Variants in GLI3 observed in about 807,000 individuals in gnomAD.
GLI3 encodes GLI family zinc finger 3, also known as transcription activator GLI3.
GLI3 carries 20 observed loss-of-function variants against 100.8 expected under a neutral mutation model. The ratio of observed to expected loss-of-function variants is 0.20; its 90% CI spans 0.14 to 0.29. GLI3 has a LOEUF of 0.29. GLI3 is among the 10% of genes least tolerant of loss of function. GLI3 has a pLI of 1.00. For missense variants in GLI3, 2,040 were observed against 2,128.5 expected, an observed-to-expected ratio of 0.96 and a Z score of 0.82; for synonymous variants, 938 against 860.5, an observed-to-expected ratio of 1.09 and a Z score of -1.58.
At chr7:42,138,534 G>A (rs1349719716) in intron 3 of GLI3, among the ~76,000 whole-genome samples, 1 of 152,200 alleles carries the variant, frequency 6.6e-6, no homozygotes, top group Admixed American at 6.5e-5. Flanking sequence ...GAGGTCACAG[G>A]AAAGCTACCA....
At chr7:42,067,951 T>C (rs138167860) in intron 4 of GLI3, among the ~76,000 whole-genome samples, 1 of 152,366 alleles carries the variant, frequency 6.6e-6, no homozygotes, top group African/African-American at 2.4e-5. Context: ...TTTAAATATC[T>C]GTCACTTATA....
intron 4 of GLI3, among the ~76,000 whole-genome samples, chr7:42,070,631 C>A (rs914985829): frequency 1.3e-5 from 2 of 152,160 alleles, no homozygotes; most frequent in African/African-American, 4.8e-5. Context: ...AATATTATGA[C>A]TACATAAAGT....
Position 42,148,273 on chromosome 7 carries a change from G to A in GLI3, c.320C>T (p.Thr107Met), listed in dbSNP as rs769350082. The A allele has an allele frequency of 2.0e-5, 33 of 1,612,574 alleles. No homozygotes were observed. Among genetic ancestry groups the A allele is most frequent in the Middle Eastern group, 1.6e-4 (1 of 6,082 alleles). ...VAEPSVPYRG[T>M]VFAMDPRNGY... Reference sequence around the variant, plus strand: ...ATTCCTGGGGTCCATGGCAAACACCGTCCCGCGGTACGGCACAGAGGGCTC... The same window carrying A: ...ATTCCTGGGGTCCATGGCAAACACCATCCCGCGGTACGGCACAGAGGGCTC... Residue 107 changes from threonine (T) to methionine (M), a missense_variant, in exon 3 of 15, where the codon ACG (threonine) becomes ATG (methionine). Transcript: ENST00000395925.
Position 42,183,052 on chromosome 7 carries a change from C to T in GLI3, c.125-34584G>A, listed in dbSNP as rs537917903. ...TCTGGTCAACGTGGTGAAACCCCGT[C>T]TCTACTAAAAATAACAAAAAAATAA... On this transcript the variant is annotated intron_variant, in intron 2 of 14. Coordinates refer to ENST00000395925, the MANE Select transcript of GLI3 (RefSeq NM_000168.6). 2.6e-5 allele frequency among the ~76,000 whole-genome samples: 4 copies of T among 152,074 alleles called. No individual in the cohort carries two copies. In the South Asian group the frequency reaches 6.2e-4, roughly 24 times the overall value.
chr7:42,234,315 G>C (rs1019317613), intron 1 of GLI3, among the ~76,000 whole-genome samples: 1 of 152,138 alleles, frequency 6.6e-6, no homozygotes, highest in Non-Finnish European at 1.5e-5. Flanking sequence ...CAGTAAGCAG[G>C]ATACCTTACA....
At position 42,076,510 on chromosome 7, in the gene GLI3, C is replaced by T. The variant is rs544957680; in HGVS notation, c.473+242G>A. Among the ~76,000 whole-genome samples, 9 of 152,282 alleles carry T rather than the reference C, an allele frequency of 5.9e-5. No individual in the cohort carries two copies. The East Asian group carries it at 1.5e-3, about 26-fold the overall frequency. ...TAGTATTTACAGCCCACAGAACACA[C>T]GTCAGCAAAATATATAGGAAATACT... On this transcript the variant is annotated intron_variant, in intron 4 of 14. Coordinates refer to ENST00000395925, the MANE Select transcript of GLI3 (RefSeq NM_000168.6).
At chr7:42,023,789 T>C (rs1037608976) in intron 9 of GLI3, among the ~76,000 whole-genome samples, 181 bp from the exon 10 acceptor site, 1 of 152,202 alleles carries the variant, frequency 6.6e-6, no homozygotes, top group Admixed American at 6.5e-5. Context: ...AAATACACTC[T>C]GAGAGTTTTA....
At chr7:42,060,348 A>C (rs1412386600) in intron 4 of GLI3, among the ~76,000 whole-genome samples, 1 of 152,100 alleles carries the variant, frequency 6.6e-6, no homozygotes, top group Non-Finnish European at 1.5e-5. Flanking sequence ...CTATGATGTC[A>C]CTTCGGCATT....
intron 1 of GLI3, among the ~76,000 whole-genome samples, chr7:42,234,616 G>A (rs1460425144): frequency 6.6e-6 from 1 of 152,212 alleles, no homozygotes. Context: ...ACACAAGCAT[G>A]TTAAAGGCAC....
chr7:42,242,387 C>G (rs1689612386), upstream of GLI3, among the ~76,000 whole-genome samples: 3 of 152,198 alleles, frequency 2.0e-5, no homozygotes, highest in South Asian at 6.2e-4. Context: ...TTGCCCTAAA[C>G]AATCCACTTA....
intron 2 of GLI3, among the ~76,000 whole-genome samples, chr7:42,191,386 T>C (rs944789919): frequency 2.0e-5 from 3 of 152,124 alleles, no homozygotes; most frequent in Admixed American, 1.3e-4. Context: ...AATGAATCCA[T>C]TGATCCATTG....
chr7:42,156,423 T>C (rs776255371), intron 2 of GLI3, among the ~76,000 whole-genome samples: 8 of 152,204 alleles, frequency 5.3e-5, no homozygotes, highest in Admixed American at 3.3e-4. Context: ...TTTATGACTA[T>C]CTCTCTCTGT....
chr7:41,974,130 C>A (rs1787439384), intron 12 of GLI3, among the ~76,000 whole-genome samples: 1 of 152,110 alleles, frequency 6.6e-6, no homozygotes, highest in Admixed American at 6.5e-5. Context: ...ACAAAGCCTG[C>A]ATGTTTGGAG....
intron 2 of GLI3, among the ~76,000 whole-genome samples, chr7:42,167,983 A>G (rs1343914200): frequency 6.6e-6 from 1 of 152,258 alleles, no homozygotes; most frequent in Non-Finnish European, 1.5e-5. Context: ...TTTTTCATTA[A>G]GCTAGTAAAC....
In GLI3 at chr7:41,972,538, T is replaced by A. The variant is rs564676310; in HGVS notation, c.1902A>T (p.Pro634=). Residue 634 remains proline, a synonymous_variant, in exon 13 of 15, where the codon CCA becomes CCT. Coordinates refer to ENST00000395925, the MANE Select transcript of GLI3 (RefSeq NM_000168.6). This position sits in a 1 kb window ranked among gnomAD's most constrained non-coding sequence, Gnocchi z 4.4. The part of the protein sequence containing the change: ...LRKHVKTVHG[P]EAHVTKKQRG... Reference sequence around the variant, plus strand: ...GCTGCTTCTTGGTGACATGAGCCTCTGGGCCATGCACTGTCTTCACATGTT... The same window carrying A: ...GCTGCTTCTTGGTGACATGAGCCTCAGGGCCATGCACTGTCTTCACATGTT... The A allele has an allele frequency of 5.0e-6, 8 of 1,612,788 alleles. No homozygotes were observed. In the East Asian group the frequency reaches 1.1e-4, roughly 22 times the overall value.
intron 2 of GLI3, among the ~76,000 whole-genome samples, chr7:42,179,000 A>G (rs1474746440): frequency 6.6e-6 from 1 of 152,212 alleles, no homozygotes; most frequent in African/African-American, 2.4e-5. Flanking sequence ...GGCAGTGGGC[A>G]GTATGGCTGG....
At chr7:42,162,192 G>C (rs1207662833) in intron 2 of GLI3, among the ~76,000 whole-genome samples, 1 of 152,200 alleles carries the variant, frequency 6.6e-6, no homozygotes, top group Non-Finnish European at 1.5e-5. Flanking sequence ...TTCAGGTTTT[G>C]ACTGTGGGGG....
At chr7:42,055,287 C>T (rs1784436741) in intron 4 of GLI3, among the ~76,000 whole-genome samples, 2 of 152,002 alleles carry the variant, frequency 1.3e-5, no homozygotes, top group Admixed American at 6.6e-5. Context: ...AGAAACACCA[C>T]GTGACCCTGA....
At chr7:42,129,583 G>A (rs1196390502) in intron 3 of GLI3, among the ~76,000 whole-genome samples, 2 of 152,118 alleles carry the variant, frequency 1.3e-5, no homozygotes, top group Non-Finnish European at 2.9e-5. Flanking sequence ...GGCCGAGGCG[G>A]GGGGATCACG....
Sources: allele counts gnomAD v4.1 joint callset (sites outside exome capture counted in the v4.1 genomes callset), GRCh38; gene constraint gnomAD v4.1.1; non-coding constraint Gnocchi (gnomAD v3.1); transcripts MANE v1.5; gene names NCBI Gene and HGNC (gene_info 2026-07-23, HGNC 2026-07-21).